The following PRUNE2 variants were observed in gnomAD, a reference collection of about 807,000 sequenced individuals.
PRUNE2 encodes the protein protein prune homolog 2.
PRUNE2 carries 164 observed loss-of-function variants against 252.0 expected under a neutral mutation model. The observed-to-expected ratio is 0.65, with a 90% CI of 0.57 to 0.74. PRUNE2 has a LOEUF of 0.74. Among genes scored for constraint, PRUNE2 ranks in the 30% least tolerant of loss-of-function variants. The pLI is 0.00. For synonymous variants in PRUNE2, 1,292 were observed against 1,350.2 expected (o/e 0.96, Z 0.94); for missense variants, 3,495 against 3,711.0 (o/e 0.94, Z 1.51).
At chr9:76,889,092 C>A (rs1014347119) in intron 1 of PRUNE2, among the ~76,000 whole-genome samples, 1 of 152,046 alleles carries the variant, frequency 6.6e-6, no homozygotes, top group Admixed American at 6.6e-5. Flanking sequence ...CTCAGGTGAT[C>A]CACCCACCTC....
At chr9:76,702,247 G>A (rs7033337) in intron 9 of PRUNE2, among the ~76,000 whole-genome samples, 116,725 of 151,714 alleles carry the variant, frequency 0.77, 45,239 homozygotes, top group East Asian at 0.94. Flanking sequence ...TAGTAGAGAC[G>A]GGGTTTCACC....
chr9:76,846,935 T>G (rs1272956234), intron 3 of PRUNE2, among the ~76,000 whole-genome samples: 1 of 152,212 alleles, frequency 6.6e-6, no homozygotes, highest in East Asian at 1.9e-4. Flanking sequence ...TGGAAAATAA[T>G]AGTAACTAAC....
intron 6 of PRUNE2, among the ~76,000 whole-genome samples, chr9:76,794,630 AG>A (rs1325816008): frequency 5.4e-4 from 67 of 123,106 alleles, no homozygotes; most frequent in African/African-American, 2.7e-3. Flanking sequence ...AAAAAAAAAA[AG>A]AAAAGAAAAG....
intron 1 of PRUNE2, chr9:76,857,255 C>T (rs898837772): frequency 6.4e-5 from 26 of 405,892 alleles, no homozygotes; most frequent in Admixed American, 1.1e-4. Context: ...GGTGCCCAGG[C>T]TCTCAAGGAC....
intron 1 of PRUNE2, among the ~76,000 whole-genome samples, chr9:76,874,373 T>C (rs1268055898): frequency 9.2e-5 from 14 of 151,974 alleles, no homozygotes; most frequent in Admixed American, 9.2e-4. Flanking sequence ...TGTTGGGGAG[T>C]CTAATGCTCT....
Position 76,706,299 on chromosome 9 carries a change from C to G in PRUNE2, c.5975G>C (p.Gly1992Ala). 2 of 1,613,944 alleles carry G rather than the reference C, an allele frequency of 1.2e-6. No individual in the cohort carries two copies. The highest frequency in any genetic ancestry group is 1.7e-6 in the Non-Finnish European group (2 of 1,179,864). The change falls in exon 8 of 19, where the codon GGT becomes GCT. Residue 1992 changes from glycine (G) to alanine (A), a missense_variant. Transcript: ENST00000376718. ...TTGTTCCCACTGATTTGTTTCTTGA[C>G]CTTCATTAGTTGAAACATTAGATGT... ...CVTSNVSTNE[G>A]QETNQWEQEK...
chr9:76,855,146 T>A (rs2060187482), intron 1 of PRUNE2, among the ~76,000 whole-genome samples: 1 of 150,640 alleles, frequency 6.6e-6, no homozygotes, highest in Non-Finnish European at 1.5e-5. Flanking sequence ...CATTTTCTGG[T>A]TAACTAAATA....
intron 1 of PRUNE2, among the ~76,000 whole-genome samples, chr9:76,858,717 C>A (rs1261605494): frequency 6.7e-6 from 1 of 150,206 alleles, no homozygotes; most frequent in African/African-American, 2.5e-5. Context: ...TGTAACAAAC[C>A]TGCATGTTCT....
intron 15 of PRUNE2, among the ~76,000 whole-genome samples, chr9:76,633,789 G>T (rs1014834914): frequency 6.6e-6 from 1 of 151,808 alleles, no homozygotes; most frequent in Non-Finnish European, 1.5e-5. Context: ...CTGAACCTCA[G>T]CAGTTTTTCC....
intron 15 of PRUNE2, among the ~76,000 whole-genome samples, chr9:76,636,223 C>T (rs2067500): frequency 0.2 from 30,758 of 152,020 alleles, 3,261 homozygotes; most frequent in Non-Finnish European, 0.22. Flanking sequence ...CTTCATCTTC[C>T]GTGTTTATAG....
At chr9:76,818,108 G>T (rs2057803823) in intron 6 of PRUNE2, among the ~76,000 whole-genome samples, 1 of 152,122 alleles carries the variant, frequency 6.6e-6, no homozygotes, top group South Asian at 2.1e-4. Context: ...TTGAAAAGGT[G>T]AACTGGTTCA....
rs2046332176 is a variant in PRUNE2 at position 76,706,602 on chromosome 9, TG to T, written c.5671del (p.His1891IlefsTer36). On this transcript the variant is annotated frameshift_variant, in exon 8 of 19. Coordinates refer to ENST00000376718, the MANE Select transcript of PRUNE2 (RefSeq NM_015225.3). LOFTEE classifies it high-confidence loss of function. ...THYTNPFSDN[H>X]QSPFLEGNGK... Reference sequence around the variant, plus strand: ...ATTACCTTCCAGAAAGGGTGACTGATGGTTGTCACTAAAAGGATTAGTATAG... The same window carrying T: ...ATTACCTTCCAGAAAGGGTGACTGATGTTGTCACTAAAAGGATTAGTATAG... 1 of 1,613,964 alleles carries T rather than the reference TG, an allele frequency of 6.2e-7. No homozygotes were observed. Among genetic ancestry groups the T allele is most frequent in the Non-Finnish European group, 8.5e-7 (1 of 1,179,882 alleles).
chr9:76,708,639 C>G lies in PRUNE2; in HGVS notation c.3635G>C (p.Gly1212Ala). 1 of 1,613,866 alleles carries G rather than the reference C, an allele frequency of 6.2e-7. No homozygotes were observed. Among genetic ancestry groups the G allele is most frequent in the South Asian group, 1.1e-5 (1 of 91,068 alleles). The stretch of plus-strand genomic sequence containing the variant: ...CCAAATACTGTTTGCAATTAGCTGC[C>G]CACTTTTCTCATTCAATGTGTGATG... Reference protein sequence around the residue: ...SEHHTLNEKSGQLIANSIWDS... With the variant: ...SEHHTLNEKSAQLIANSIWDS... Residue 1212 changes from glycine (G) to alanine (A), a missense_variant, in exon 8 of 19, where the codon GGG becomes GCG. Gly to Ala is a moderately conservative substitution (Grantham distance 60). Coordinates refer to ENST00000376718, the MANE Select transcript of PRUNE2 (RefSeq NM_015225.3).
At chr9:76,854,921 C>A (rs2060158418) in intron 1 of PRUNE2, among the ~76,000 whole-genome samples, 1 of 151,408 alleles carries the variant, frequency 6.6e-6, no homozygotes, top group African/African-American at 2.4e-5. Flanking sequence ...AAAAAATTAG[C>A]CAGGTGTGGT....
At chr9:76,723,065 A>T (rs1172383358) in intron 6 of PRUNE2, among the ~76,000 whole-genome samples, 2 of 152,242 alleles carry the variant, frequency 1.3e-5, no homozygotes, top group Non-Finnish European at 2.9e-5. Flanking sequence ...ATCGAACATT[A>T]CCATGCTTTG....
At chr9:76,883,741 T>G (rs1412866656) in intron 1 of PRUNE2, among the ~76,000 whole-genome samples, 1 of 152,212 alleles carries the variant, frequency 6.6e-6, no homozygotes, top group Non-Finnish European at 1.5e-5. Context: ...CTACTTATAC[T>G]GTGGAGATTT....
At chr9:76,673,459 G>A (rs1401308575) in intron 9 of PRUNE2, among the ~76,000 whole-genome samples, 4 of 117,360 alleles carry the variant, frequency 3.4e-5, no homozygotes, top group South Asian at 3.3e-4. Context: ...ATTCACAGCC[G>A]AATTCTACCA....
chr9:76,785,826 A>C (rs1401307891), intron 6 of PRUNE2: 1 of 152,182 alleles, frequency 6.6e-6, no homozygotes, highest in Non-Finnish European at 1.5e-5. Flanking sequence ...GCATGTTTTC[A>C]AATGGCACTA....
chr9:76,700,363 T>C (rs908363778), intron 9 of PRUNE2: 18 of 152,246 alleles, frequency 1.2e-4, no homozygotes, highest in African/African-American at 3.1e-4. Flanking sequence ...TCTTCTGTTC[T>C]ATGATCAGAT....
Sources: gnomAD v4.1 joint callset for allele counts (sites outside exome capture counted in the v4.1 genomes callset) on GRCh38, gnomAD v4.1.1 for gene constraint, MANE v1.5 for transcripts, NCBI Gene and HGNC (gene_info 2026-07-23, HGNC 2026-07-21) for gene names.